The following SUPT16H variants were observed in gnomAD, a reference collection of about 807,000 sequenced individuals.
The protein encoded by SUPT16H is FACT complex subunit SPT16.
SUPT16H carries 24 observed loss-of-function variants against 136.2 expected under a neutral mutation model. That is an observed-to-expected ratio of 0.18 (90% confidence interval 0.13 to 0.25). The LOEUF (loss-of-function observed/expected upper bound fraction) is 0.25, where lower values mean the gene tolerates loss of function less well. SUPT16H is among the 10% of genes least tolerant of loss of function. The pLI is 1.00. For synonymous variants in SUPT16H, 415 were observed against 428.2 expected (o/e 0.97, Z 0.38); for missense variants, 623 against 1,270.2 (o/e 0.49, Z 7.74).
At chr14:21,372,594 T>G (rs1312354968) in intron 2 of SUPT16H, 1 of 404,658 alleles carries the variant, frequency 2.5e-6, no homozygotes, top group Non-Finnish European at 4.8e-6. Flanking sequence ...CTTCTCTGTC[T>G]CTTTTTGCTT....
chr14:21,357,769 C>T (rs1208708985), intron 21 of SUPT16H, among the ~76,000 whole-genome samples, 158 bp downstream of exon 21: 2 of 152,070 alleles, frequency 1.3e-5, no homozygotes, highest in Admixed American at 6.6e-5. Context: ...AGCCATTATG[C>T]CTGCCCTAAA....
chr14:21,383,303 C>CCT (rs1265652286), intron 1 of SUPT16H: 3 of 336,788 alleles, frequency 8.9e-6, no homozygotes, highest in Non-Finnish European at 1.1e-5. Flanking sequence ...GCGTTAGGTC[C>CCT]CTCTCTGTAA....
At chr14:21,365,029 G>A in intron 9 of SUPT16H, 41 bp downstream of exon 9, 1 of 1,607,932 alleles carries the variant, frequency 6.2e-7, no homozygotes, top group East Asian at 2.2e-5. Flanking sequence ...GCTAAAGGAA[G>A]TAACTCACAA....
At chr14:21,370,974 G>C (rs1053570480) in intron 3 of SUPT16H, among the ~76,000 whole-genome samples, 1 of 151,924 alleles carries the variant, frequency 6.6e-6, no homozygotes, top group Admixed American at 6.6e-5. Context: ...ATGGGGTTTT[G>C]TTATCTTGCC....
intron 20 of SUPT16H, 102 bp downstream of exon 20, chr14:21,358,213 G>GA: frequency 1.2e-6 from 1 of 867,522 alleles, no homozygotes; most frequent in Non-Finnish European, 1.8e-6. Flanking sequence ...TTAGTCATAG[G>GA]AAAAAAGGAT....
chr14:21,361,000 T>G lies in SUPT16H; in HGVS notation c.1930-28A>C, dbSNP rs147427251. 55 of 1,612,040 alleles carry G rather than the reference T, an allele frequency of 3.4e-5. 1 individual carries two copies. The African/African-American group carries it at 7.1e-4, about 21-fold the overall frequency. ...AAGCAAGAAGAAAATTAATGTGAATTGTCACATATCCTTACAAGTCTCCAA... is the reference window on the plus strand; with the variant it reads ...AAGCAAGAAGAAAATTAATGTGAATGGTCACATATCCTTACAAGTCTCCAA... On this transcript the variant is annotated intron_variant, in intron 16 of 25. Transcript: ENST00000216297.
chr14:21,379,204 G>C (rs1006772615), intron 1 of SUPT16H, among the ~76,000 whole-genome samples: 1 of 152,088 alleles, frequency 6.6e-6, no homozygotes, highest in Non-Finnish European at 1.5e-5. Flanking sequence ...GGGAGGCTGG[G>C]GTGGGTGGAT....
intron 23 of SUPT16H, 143 bp downstream of exon 23, chr14:21,354,268 T>C: frequency 1.0e-6 from 1 of 979,570 alleles, no homozygotes; most frequent in Non-Finnish European, 1.4e-6. Flanking sequence ...ATTTATCAAT[T>C]TGAAGAAACA....
rs757786394 is a variant in SUPT16H, at chr14:21,353,546, C to G, written c.2940G>C (p.Leu980Phe). The G allele has an allele frequency of 6.2e-6, 10 of 1,614,154 alleles. No homozygotes were observed. The highest frequency in any genetic ancestry group is 8.5e-6 in the Non-Finnish European group (10 of 1,180,012). The change falls in exon 25 of 26, where the codon TTG becomes TTC. Residue 980 changes from leucine (L) to phenylalanine (F), a missense_variant. By Grantham distance (22) the Leu-to-Phe change is conservative. Transcript: ENST00000216297. ...AEESDYSKES[L>F]GSEEESGKDW... ...CCTTTCCACTCTCTTCTTCACTACCCAATGACTCCTTAGAATAGTCTGGAA... is the reference window on the plus strand; with the variant it reads ...CCTTTCCACTCTCTTCTTCACTACCGAATGACTCCTTAGAATAGTCTGGAA...
intron 1 of SUPT16H, among the ~76,000 whole-genome samples, chr14:21,378,059 A>G (rs1249815019): frequency 6.6e-6 from 1 of 152,150 alleles, no homozygotes; most frequent in Admixed American, 6.6e-5. Flanking sequence ...ATACAGATGG[A>G]GCAGGATAAT....
rs184136193 is a variant in SUPT16H at position 21,352,903 on chromosome 14, T to C, written c.2999-85A>G. 8.3e-6 allele frequency: 13 copies of C among 1,572,150 alleles called. No individual in the cohort carries two copies. In the Admixed American group the frequency reaches 1.9e-4, roughly 23 times the overall value. On this transcript the variant is annotated intron_variant, in intron 25 of 25. Coordinates refer to ENST00000216297, the MANE Select transcript of SUPT16H (RefSeq NM_007192.4). ...GGATAGCATGAGATAGTACAGAGAA[T>C]ACACTTTGGAATCAGACCCAAGTTT... is the stretch of plus-strand genomic sequence containing the variant.
At chr14:21,383,207 T>C (rs1354664870) in intron 1 of SUPT16H, 2 of 169,194 alleles carry the variant, frequency 1.2e-5, no homozygotes, top group Non-Finnish European at 2.5e-5. Context: ...AATGAACACG[T>C]GCCCCGGATA....
At chr14:21,379,714 C>T (rs1284604039) in intron 1 of SUPT16H, among the ~76,000 whole-genome samples, 1 of 151,586 alleles carries the variant, frequency 6.6e-6, no homozygotes, top group Non-Finnish European at 1.5e-5. Context: ...AAATAAATAA[C>T]AATAATAATA....
intron 8 of SUPT16H, among the ~76,000 whole-genome samples, 177 bp downstream of exon 8, chr14:21,366,262 T>C (rs1323015333): frequency 6.6e-6 from 1 of 152,214 alleles, no homozygotes; most frequent in African/African-American, 2.4e-5. Context: ...CTTATACACT[T>C]GGGAGAACTT....
In SUPT16H at chr14:21,363,223, G is replaced by GT. The variant is rs773430594; in HGVS notation, c.1395+9dup. 4 of 1,613,938 alleles carry GT rather than the reference G, an allele frequency of 2.5e-6. No homozygotes were observed. The Admixed American group carries it at 5.0e-5, about 20-fold the overall frequency. ...GCCGAGATCAATGTAATTTAAAATA[G>GT]TAAACTTACTCTTGTTCTTTCTGTA... On this transcript the variant is annotated intron_variant, in intron 12 of 25. Transcript: ENST00000216297.
chr14:21,353,690 C>G lies in SUPT16H; in HGVS notation c.2920+13G>C. On this transcript the variant is annotated intron_variant, in intron 24 of 25. Coordinates refer to ENST00000216297, the MANE Select transcript of SUPT16H (RefSeq NM_007192.4). ...TTAGGAAGCCAGGACGAACTTTGCTCTGTAAGACTAACCTGACTCTTCTGC... is the reference window on the plus strand; with the variant it reads ...TTAGGAAGCCAGGACGAACTTTGCTGTGTAAGACTAACCTGACTCTTCTGC... 6.2e-7 allele frequency: 1 copy of G among 1,611,792 alleles called. No homozygotes were observed.
At chr14:21,367,285 G>C (rs748587923) in intron 7 of SUPT16H, among the ~76,000 whole-genome samples, 1 of 152,110 alleles carries the variant, frequency 6.6e-6, no homozygotes, top group Non-Finnish European at 1.5e-5. Flanking sequence ...GAGGACAGTG[G>C]TCTTAATAAA....
In SUPT16H at chr14:21,360,839, T is replaced by C; in HGVS notation, c.2056+7A>G. 1.2e-6 allele frequency: 2 copies of C among 1,613,298 alleles called. No homozygotes were observed. The highest frequency in any genetic ancestry group is 1.7e-6 in the Non-Finnish European group (2 of 1,179,690). On this transcript the variant is annotated splice_region_variant and intron_variant, in intron 17 of 25. Transcript: ENST00000216297. Reference sequence around the variant, plus strand: ...GAAAGCCTAGGTACAGGAGAGATCATCCATACCATTGACATGGGCCTCCAG... The same window carrying C: ...GAAAGCCTAGGTACAGGAGAGATCACCCATACCATTGACATGGGCCTCCAG...
rs1302397787 is a variant in SUPT16H at position 21,361,102 on chromosome 14, T to C, written c.1905A>G (p.Arg635=). 6.2e-7 allele frequency: 1 copy of C among 1,614,154 alleles called. No individual in the cohort carries two copies. Reference sequence around the variant, plus strand: ...CCTCCTTCTCTTTCTCTTCAGCTTCTCGAGTTTTATAACGTTTCTGTACTT... The same window carrying C: ...CCTCCTTCTCTTTCTCTTCAGCTTCCCGAGTTTTATAACGTTTCTGTACTT... ...IKEVQKRYKT[R]EAEEKEKEGI... Residue 635 remains arginine (R), a synonymous_variant, in exon 16 of 26, where the codon CGA becomes CGG. Coordinates refer to ENST00000216297, the MANE Select transcript of SUPT16H (RefSeq NM_007192.4).
Sources: gnomAD v4.1 joint callset for allele counts (sites outside exome capture counted in the v4.1 genomes callset) on GRCh38, gnomAD v4.1.1 for gene constraint, MANE v1.5 for transcripts, NCBI Gene and HGNC (gene_info 2026-07-23, HGNC 2026-07-21) for gene names.